ITGA1: variants seen among roughly 807,000 people sequenced by gnomAD.
ITGA1 encodes the protein integrin subunit alpha 1.
ITGA1 carries 85 observed loss-of-function variants against 145.9 expected under a neutral mutation model. That is an observed-to-expected ratio of 0.58 (90% confidence interval 0.49 to 0.70). The LOEUF (loss-of-function observed/expected upper bound fraction) is 0.70. Among genes scored for constraint, ITGA1 ranks in the 30% least tolerant of loss-of-function variants. ITGA1 has a pLI of 0.00. For synonymous variants in ITGA1, 520 were observed against 495.3 expected, an observed-to-expected ratio of 1.05 and a Z score of -0.66; for missense variants, 1,351 against 1,418.7, an observed-to-expected ratio of 0.95 and a Z score of 0.77.
chr5:52,800,383 C>G, intron 1 of ITGA1: 1 of 1,613,498 alleles, frequency 6.2e-7, no homozygotes, highest in Non-Finnish European at 8.5e-7. Flanking sequence ...TCAGTGAGCC[C>G]CTTCCTTGGC....
intron 13 of ITGA1, 104 bp from the exon 14 acceptor site, chr5:52,910,058 T>C: frequency 9.1e-7 from 1 of 1,094,758 alleles, no homozygotes; most frequent in Non-Finnish European, 1.3e-6. Flanking sequence ...TTACCACTAA[T>C]GTACAAATGG....
intron 11 of ITGA1, among the ~76,000 whole-genome samples, chr5:52,899,281 G>T (rs1019665727): frequency 4.6e-5 from 7 of 152,152 alleles, no homozygotes; most frequent in African/African-American, 1.7e-4. Flanking sequence ...CTCTGTCCCA[G>T]TTGCTTTCTA....
At chr5:52,910,474 C>A (rs981824825) in intron 14 of ITGA1, 55 bp downstream of exon 14, 3 of 1,547,456 alleles carry the variant, frequency 1.9e-6, no homozygotes, top group Admixed American at 3.6e-5. Context: ...GGTTCAATGC[C>A]AGGCATTACC....
chr5:52,858,118 C>G (rs961694581), intron 2 of ITGA1, among the ~76,000 whole-genome samples: 2 of 152,192 alleles, frequency 1.3e-5, no homozygotes, highest in African/African-American at 4.8e-5. Context: ...TGTCATTTGA[C>G]TCTAATTTTG....
chr5:52,932,774 TATC>T (rs1750910925), intron 22 of ITGA1: 1 of 152,168 alleles, frequency 6.6e-6, no homozygotes, highest in South Asian at 2.1e-4. Flanking sequence ...CTAAAAGTCT[TATC>T]ATTTTATTAA....
rs1580066661 is a variant in ITGA1 at position 52,860,098 on chromosome 5, T to C, written c.183-1349T>C. Among the ~76,000 whole-genome samples, 3 of 152,174 alleles carry C rather than the reference T, an allele frequency of 2.0e-5. No homozygotes were observed. The South Asian group carries it at 6.2e-4, about 32-fold the overall frequency. ...TATGTAGGTTCTAAGTAAACTTTAGTTTATTTATGTTTATTGTTCCAGAAT... is the reference window on the plus strand; with the variant it reads ...TATGTAGGTTCTAAGTAAACTTTAGCTTATTTATGTTTATTGTTCCAGAAT... On this transcript the variant is annotated intron_variant, in intron 2 of 28. Coordinates refer to ENST00000282588, the MANE Select transcript of ITGA1 (RefSeq NM_181501.2).
Position 52,909,031 on chromosome 5 carries a change from C to G in ITGA1, c.1589C>G (p.Ala530Gly), listed in dbSNP as rs1374903865. 1 of 1,613,506 alleles carries G rather than the reference C, an allele frequency of 6.2e-7. No individual in the cohort carries two copies. The highest frequency in any genetic ancestry group is 1.1e-5 in the South Asian group (1 of 90,992). Residue 530 changes from alanine (A) to glycine (G), a missense_variant, in exon 13 of 29, where the codon GCT becomes GGT. Ala to Gly is a moderately conservative substitution (Grantham distance 60, BLOSUM62 0). Transcript: ENST00000282588. The part of the protein sequence containing the change: ...KEEQGKVYVY[A>G]LNQTRFEYQM... Reference sequence around the variant, plus strand: ...GAGCAAGGAAAAGTGTATGTGTATGCTCTCAATCAGGTAATGGTGTCTGAG... The same window carrying G: ...GAGCAAGGAAAAGTGTATGTGTATGGTCTCAATCAGGTAATGGTGTCTGAG...
At chr5:52,802,522 A>G (rs941839151) in intron 1 of ITGA1, 19 of 152,046 alleles carry the variant, frequency 1.2e-4, no homozygotes, top group African/African-American at 4.6e-4. Context: ...GCTTTTTAGA[A>G]CTTTGATCTG....
rs1561250558 is a variant in ITGA1, at chr5:52,922,898, T to G, written c.2403+11T>G. The G allele has an allele frequency of 6.7e-7, 1 of 1,486,156 alleles. No homozygotes were observed. Among genetic ancestry groups the G allele is most frequent in the Non-Finnish European group, 9.4e-7 (1 of 1,065,166 alleles). The allele number at this position is 1,486,156 out of a possible 1,614,324, so 92.1% of individuals were successfully genotyped here. On this transcript the variant is annotated intron_variant, in intron 18 of 28. Coordinates refer to ENST00000282588, the MANE Select transcript of ITGA1 (RefSeq NM_181501.2). Reference sequence around the variant, plus strand: ...TCAGTACATGAATATGTAAGTCAGATTTCTTTAAAATACAAAATACCAACT... The same window carrying G: ...TCAGTACATGAATATGTAAGTCAGAGTTCTTTAAAATACAAAATACCAACT...
Position 52,898,305 on chromosome 5 carries a change from A to G in ITGA1, c.1231A>G (p.Ser411Gly). 6.2e-7 allele frequency: 1 copy of G among 1,611,984 alleles called. No homozygotes were observed. Among genetic ancestry groups the G allele is most frequent in the Non-Finnish European group, 8.5e-7 (1 of 1,178,664 alleles). The change falls in exon 11 of 29, where the codon AGT becomes GGT. Residue 411 changes from serine to glycine, a missense_variant. Coordinates refer to ENST00000282588, the MANE Select transcript of ITGA1 (RefSeq NM_181501.2). ...TGGAACAGTTGTCATGCAGAAGGCT[A>G]GTCAAATCATAATCCCTCGAAACAC... ...WNGTVVMQKA[S>G]QIIIPRNTTF...
intron 1 of ITGA1, among the ~76,000 whole-genome samples, chr5:52,815,660 A>AAC (rs966293037): frequency 2.6e-5 from 4 of 152,176 alleles, no homozygotes; most frequent in Non-Finnish European, 4.4e-5. Flanking sequence ...ATGTTTGGAA[A>AAC]ACACTGGTCT....
At chr5:52,801,240 A>G (rs1748474599) in intron 1 of ITGA1, 3 of 1,191,276 alleles carry the variant, frequency 2.5e-6, no homozygotes, top group South Asian at 1.5e-5. Flanking sequence ...TGGGATTTTC[A>G]TGAGATAATG....
chr5:52,912,730 G>GTT (rs1750583828), intron 14 of ITGA1, among the ~76,000 whole-genome samples: 1 of 141,698 alleles, frequency 7.1e-6, no homozygotes, highest in Non-Finnish European at 1.5e-5. Flanking sequence ...GTGTGTGTGT[G>GTT]TGTGTGTGTG....
chr5:52,808,107 T>C (rs1748625103), intron 1 of ITGA1, among the ~76,000 whole-genome samples: 1 of 152,188 alleles, frequency 6.6e-6, no homozygotes, highest in Non-Finnish European at 1.5e-5. Context: ...TTATAGAGTA[T>C]TTCACTGGGA....
chr5:52,793,314 C>T lies in ITGA1; in HGVS notation c.61+4900C>T, dbSNP rs917146176. 1.2e-4 allele frequency among the ~76,000 whole-genome samples: 19 copies of T among 152,002 alleles called. 1 individual carries two copies. Among genetic ancestry groups the T allele is most frequent in the Admixed American group, 9.8e-4 (15 of 15,262 alleles). ...TGACTATTGACAAACTCAGAAAATA[C>T]TTAAGGGATCAGATTGTCCCTTTAT... On this transcript the variant is annotated intron_variant, in intron 1 of 28. Coordinates refer to ENST00000282588, the MANE Select transcript of ITGA1 (RefSeq NM_181501.2).
At chr5:52,825,324 A>C (rs1748942976) in intron 1 of ITGA1, 1 of 152,220 alleles carries the variant, frequency 6.6e-6, no homozygotes, top group African/African-American at 2.4e-5. Flanking sequence ...ATTGTGCTTC[A>C]TAGATACTGC....
chr5:52,919,699 G>A (rs1475705593), intron 16 of ITGA1, among the ~76,000 whole-genome samples: 1 of 152,114 alleles, frequency 6.6e-6, no homozygotes, highest in South Asian at 2.1e-4. Context: ...ATGATTTTGA[G>A]TTTTATATGT....
At chr5:52,871,170 C>T (rs1481998775) in intron 6 of ITGA1, among the ~76,000 whole-genome samples, 3 of 152,170 alleles carry the variant, frequency 2.0e-5, no homozygotes, top group African/African-American at 4.8e-5. Flanking sequence ...TTTGATGTTT[C>T]GCCTTGTTGG....
At chr5:52,806,490 A>G (rs1250727291) in intron 1 of ITGA1, among the ~76,000 whole-genome samples, 1 of 152,072 alleles carries the variant, frequency 6.6e-6, no homozygotes, top group Non-Finnish European at 1.5e-5. Flanking sequence ...GGTTAAAAAT[A>G]CCATTCAAAA....
Sources: allele counts gnomAD v4.1 joint callset (sites outside exome capture counted in the v4.1 genomes callset), GRCh38; gene constraint gnomAD v4.1.1; transcripts MANE v1.5; gene names NCBI Gene and HGNC (gene_info 2026-07-23, HGNC 2026-07-21).